NCOA1: variants seen among roughly 807,000 people sequenced by gnomAD.
The protein encoded by NCOA1 is Hin-2 protein.
A neutral mutation model predicts 150.9 loss-of-function variants in NCOA1; 35 were observed. The ratio of observed to expected loss-of-function variants is 0.23; its 90% CI spans 0.18 to 0.31. The LOEUF is 0.31. Among genes scored for constraint, NCOA1 ranks in the 10% least tolerant of loss-of-function variants. The pLI is 1.00. For missense variants in NCOA1, 1,491 were observed against 1,749.3 expected (o/e 0.85, Z 2.63); for synonymous variants, 590 against 630.0 (o/e 0.94, Z 0.95).
chr2:24,673,494 T>G, intron 7 of NCOA1, 31 bp downstream of exon 7: 1 of 1,478,154 alleles, frequency 6.8e-7, no homozygotes. Context: ...AGAAAGTGAT[T>G]AAAATCTTTG....
chr2:24,728,522 G>T, intron 16 of NCOA1, 46 bp downstream of exon 16: 1 of 1,521,476 alleles, frequency 6.6e-7, no homozygotes, highest in Non-Finnish European at 8.9e-7. Flanking sequence ...GCCCTAAGAA[G>T]CTAGAAAATT....
chr2:24,553,788 A>G (rs1432475252), intron 1 of NCOA1, among the ~76,000 whole-genome samples: 1 of 152,208 alleles, frequency 6.6e-6, no homozygotes. Context: ...GGTCAATACT[A>G]TATTCTCATA....
intron 14 of NCOA1, among the ~76,000 whole-genome samples, chr2:24,723,252 G>A (rs886084692): frequency 6.6e-6 from 1 of 151,978 alleles, no homozygotes; most frequent in Non-Finnish European, 1.5e-5. Flanking sequence ...TTCACTTAAT[G>A]TTCTATGGAT....
rs13431439 is a variant in NCOA1, at chr2:24,654,339, C to A, written c.-17-4322C>A. Among the ~76,000 whole-genome samples, 1,377 of 152,246 alleles carry A rather than the reference C, an allele frequency of 9.0e-3. 29 individuals carry two copies. The highest frequency in any genetic ancestry group is 0.032 in the African/African-American group (1,309 of 41,518). ...TTGTGTGTTCCTTCCTCTCCAGTCACCCCCATAGAAGGTTTAATAAATTGT... is the reference window on the plus strand; with the variant it reads ...TTGTGTGTTCCTTCCTCTCCAGTCAACCCCATAGAAGGTTTAATAAATTGT... On this transcript the variant is annotated intron_variant, in intron 4 of 22. Transcript: ENST00000348332.
At chr2:24,736,232 AAAAAAG>A (rs1404639072) in intron 17 of NCOA1, among the ~76,000 whole-genome samples, 29 of 150,694 alleles carry the variant, frequency 1.9e-4, no homozygotes, top group East Asian at 7.7e-4. Flanking sequence ...AAAAAAAAAA[AAAAAAG>A]AAAAAGAAAA....
chr2:24,587,661 A>G (rs558367281), intron 3 of NCOA1, among the ~76,000 whole-genome samples: 3 of 151,922 alleles, frequency 2.0e-5, no homozygotes, highest in Admixed American at 1.3e-4. Flanking sequence ...GCCTTACTGT[A>G]TTTTCTTTGG....
intron 7 of NCOA1, among the ~76,000 whole-genome samples, chr2:24,674,588 A>C (rs1291257790): frequency 6.6e-6 from 1 of 152,144 alleles, no homozygotes; most frequent in Non-Finnish European, 1.5e-5. Context: ...ACATCTAATG[A>C]GAGGGTAATA....
At chr2:24,658,909 G>A (rs1366575871) in intron 5 of NCOA1, 143 bp downstream of exon 5, 13 of 713,142 alleles carry the variant, frequency 1.8e-5, no homozygotes, top group Admixed American at 4.9e-5. Flanking sequence ...CCTTCCCCCA[G>A]GGTCTTTGCA....
chr2:24,740,498 G>T (rs923476394), intron 18 of NCOA1, among the ~76,000 whole-genome samples: 33 of 152,272 alleles, frequency 2.2e-4, no homozygotes, highest in African/African-American at 7.0e-4. Flanking sequence ...AAACGTGGAA[G>T]AGGTACAGTA....
intron 14 of NCOA1, among the ~76,000 whole-genome samples, chr2:24,726,206 C>T (rs1422117307): frequency 6.6e-6 from 1 of 152,042 alleles, no homozygotes; most frequent in Non-Finnish European, 1.5e-5. Flanking sequence ...CTTTTGCTCA[C>T]CACTCTTATT....
chr2:24,586,606 A>C (rs569971262), intron 3 of NCOA1, among the ~76,000 whole-genome samples: 16 of 152,002 alleles, frequency 1.1e-4, no homozygotes, highest in Non-Finnish European at 1.9e-4. Flanking sequence ...GAGTATGCCC[A>C]GCTAATTTTT....
chr2:24,741,901 G>C lies in NCOA1; in HGVS notation c.3421G>C (p.Gly1141Arg). The change falls in exon 19 of 23, where the codon GGG becomes CGG. Residue 1141 changes from glycine to arginine, a missense_variant. By Grantham distance (125) the Gly-to-Arg change is moderately radical. This residue lies in a region of NCOA1 where 485 missense variants were observed against 522.8 expected (regional missense o/e 0.93). Transcript: ENST00000348332. ...RAMLMRQQSFGNNLPPSSGLP... is the reference protein window; with the variant it reads ...RAMLMRQQSFRNNLPPSSGLP... ...CATGCTTATGAGGCAGCAAAGCTTT[G>C]GGAACAACCTCCCTCCCTCATCTGG... The C allele has an allele frequency of 6.2e-7, 1 of 1,614,200 alleles. No homozygotes were observed. The highest frequency in any genetic ancestry group is 8.5e-7 in the Non-Finnish European group (1 of 1,180,040).
At position 24,684,063 on chromosome 2, in the gene NCOA1, C is replaced by T. The variant is rs529691769; in HGVS notation, c.532+935C>T. ...TTGGAGAGTTAAGACTCTACCATAC[C>T]GTTTAGTATGGGAACTGAGGCATGT... On this transcript the variant is annotated intron_variant, in intron 8 of 22. Transcript: ENST00000348332. Among the ~76,000 whole-genome samples, 5 of 152,104 alleles carry T rather than the reference C, an allele frequency of 3.3e-5. No individual in the cohort carries two copies. The South Asian group carries it at 1.0e-3, about 32-fold the overall frequency.
intron 3 of NCOA1, among the ~76,000 whole-genome samples, chr2:24,602,514 A>G (rs1668170137): frequency 6.6e-6 from 1 of 152,170 alleles, no homozygotes; most frequent in Non-Finnish European, 1.5e-5. Flanking sequence ...GTAAGGTTTT[A>G]AAAAATACAC....
intron 1 of NCOA1, among the ~76,000 whole-genome samples, chr2:24,536,032 T>C (rs190273489): frequency 2.4e-4 from 37 of 152,322 alleles, no homozygotes; most frequent in Admixed American, 5.9e-4. Flanking sequence ...CTGGATAATA[T>C]TCTAAAGAGC....
intron 3 of NCOA1, among the ~76,000 whole-genome samples, chr2:24,602,854 G>A (rs909392430): frequency 2.6e-5 from 4 of 152,142 alleles, no homozygotes; most frequent in African/African-American, 4.8e-5. Flanking sequence ...CCCTGTGTAA[G>A]CCTGTCTCAA....
intron 2 of NCOA1, among the ~76,000 whole-genome samples, chr2:24,577,777 T>G (rs1667050828): frequency 6.6e-6 from 1 of 152,244 alleles, no homozygotes; most frequent in South Asian, 2.1e-4. Context: ...TTTGAGAGAT[T>G]GTGCAGTTTT....
intron 3 of NCOA1, among the ~76,000 whole-genome samples, chr2:24,585,129 C>T (rs1339807117): frequency 6.6e-6 from 1 of 152,198 alleles, no homozygotes; most frequent in African/African-American, 2.4e-5. Flanking sequence ...ATGCCTGCTT[C>T]ACCACATTAT....
At position 24,664,888 on chromosome 2, in the gene NCOA1, T is replaced by C. The variant is rs113093402; in HGVS notation, c.90-861T>C. On this transcript the variant is annotated intron_variant, in intron 5 of 22. Transcript: ENST00000348332. The stretch of plus-strand genomic sequence containing the variant: ...TACTTGTGACCACTTCTTCCTATTA[T>C]ATTAGTTTGATGAAAACAAAATTTC... Among the ~76,000 whole-genome samples the C allele has an allele frequency of 1.1e-3, 162 of 152,330 alleles. 2 individuals are homozygous for C. The highest frequency in any genetic ancestry group is 3.4e-3 in the Middle Eastern group (1 of 294).
Sources: gnomAD v4.1 joint callset for allele counts (sites outside exome capture counted in the v4.1 genomes callset) on GRCh38, gnomAD v4.1.1 for gene constraint, gnomAD v4.1.1 regional missense constraint, MANE v1.5 for transcripts, NCBI Gene and HGNC (gene_info 2026-07-23, HGNC 2026-07-21) for gene names.